The following TRAP1 variants were observed in gnomAD, a reference collection of about 807,000 sequenced individuals.
TRAP1 encodes TNF receptor associated protein 1, also known as heat shock protein 75 kDa, mitochondrial.
Under a neutral mutation model 89.1 loss-of-function variants are expected in TRAP1, and 102 were observed. The observed-to-expected ratio is 1.15, with a 90% CI of 0.98 to 1.35. TRAP1 has a LOEUF of 1.35. Ranked by LOEUF, TRAP1 falls within the 40% of genes most tolerant of loss-of-function variation. TRAP1 has a pLI of 0.00. For missense variants in TRAP1, 1,256 were observed against 945.3 expected (o/e 1.33, Z -4.31); for synonymous variants, 508 against 388.0 (o/e 1.31, Z -3.64).
chr16:3,699,319 A>T (rs1331691074), intron 1 of TRAP1, among the ~76,000 whole-genome samples: 1 of 152,130 alleles, frequency 6.6e-6, no homozygotes, highest in Admixed American at 6.6e-5. Context: ...CACTGCACTT[A>T]ACTTTTTATG....
At chr16:3,690,803 G>C in intron 2 of TRAP1, 24 bp downstream of exon 2, 1 of 1,365,982 alleles carries the variant, frequency 7.3e-7, no homozygotes, top group Non-Finnish European at 9.6e-7. Context: ...AGCCCTCCCA[G>C]ACCAAAGCAC....
chr16:3,696,752 G>C (rs1204441021), intron 1 of TRAP1, among the ~76,000 whole-genome samples: 1 of 150,162 alleles, frequency 6.7e-6, no homozygotes, highest in Non-Finnish European at 1.5e-5. Context: ...TTTTTGACTG[G>C]GTCTCACTCT....
intron 11 of TRAP1, 80 bp downstream of exon 11, chr16:3,671,642 G>A (rs2050914082): frequency 7.3e-6 from 11 of 1,497,334 alleles, no homozygotes; most frequent in East Asian, 2.3e-5. Flanking sequence ...CATGGGCCAC[G>A]GCTAGGGCCC....
Position 3,698,301 on chromosome 16 carries a change from T to C in TRAP1, c.89-7316A>G, listed in dbSNP as rs138854771. Among the ~76,000 whole-genome samples, 676 of 151,838 alleles carry C rather than the reference T, an allele frequency of 4.5e-3. 5 individuals are homozygous for C. The highest frequency in any genetic ancestry group is 0.016 in the African/African-American group (649 of 41,480). ...AAAGCAGATTTGATTTCAGGTTATG[T>C]AAACTTTCCACAACAACTTTTTTTT... is the stretch of plus-strand genomic sequence containing the variant. On this transcript the variant is annotated intron_variant, in intron 1 of 17. Transcript: ENST00000246957.
intron 1 of TRAP1, among the ~76,000 whole-genome samples, chr16:3,698,145 A>G (rs1404223252): frequency 6.6e-6 from 1 of 151,860 alleles, no homozygotes. Context: ...AATATTCATT[A>G]TGGGAGGAGT....
intron 11 of TRAP1, among the ~76,000 whole-genome samples, chr16:3,666,956 T>C (rs1224146018): frequency 6.6e-6 from 1 of 152,184 alleles, no homozygotes; most frequent in African/African-American, 2.4e-5. Flanking sequence ...ATTTCAATAA[T>C]CCAGAGCATG....
Position 3,662,981 on chromosome 16 carries a change from G to C in TRAP1, c.1709-14C>G. On this transcript the variant is annotated splice_polypyrimidine_tract_variant and intron_variant, in intron 14 of 17. Transcript: ENST00000246957. ...GGCACTCGGCGGCTGCGGAAGAGCAGGCGACAGGGAGCTCAGGCCTGCATC... is the reference window on the plus strand; with the variant it reads ...GGCACTCGGCGGCTGCGGAAGAGCACGCGACAGGGAGCTCAGGCCTGCATC... The C allele has an allele frequency of 6.3e-7, 1 of 1,594,138 alleles. No individual in the cohort carries two copies. Among genetic ancestry groups the C allele is most frequent in the Non-Finnish European group, 8.5e-7 (1 of 1,174,280 alleles).
chr16:3,708,061 C>A (rs1384765852), intron 1 of TRAP1, among the ~76,000 whole-genome samples: 2 of 152,002 alleles, frequency 1.3e-5, no homozygotes, highest in Non-Finnish European at 2.9e-5. Flanking sequence ...GTGGCACATG[C>A]TCCTTGGGAG....
intron 1 of TRAP1, among the ~76,000 whole-genome samples, chr16:3,703,066 A>T (rs1250805880): frequency 2.1e-5 from 3 of 146,336 alleles, no homozygotes; most frequent in African/African-American, 8.0e-5. Context: ...AAAAAAAAAA[A>T]GCATTCAGTA....
chr16:3,704,922 T>C (rs1330815013), intron 1 of TRAP1, among the ~76,000 whole-genome samples: 8 of 151,614 alleles, frequency 5.3e-5, no homozygotes. Flanking sequence ...GAAGTAAAAA[T>C]AAAAGCTAAA....
intron 13 of TRAP1, 27 bp from the exon 14 acceptor site, chr16:3,663,589 C>G: frequency 1.2e-6 from 2 of 1,612,550 alleles, no homozygotes; most frequent in South Asian, 2.2e-5. Context: ...GCAGCTCCAT[C>G]AGACCCCGGG....
rs58859365 is a variant in TRAP1, at chr16:3,709,227, C to CA, written c.88+8193dup. Among the ~76,000 whole-genome samples the CA allele has an allele frequency of 5.2e-3, 424 of 82,036 alleles. 3 individuals are homozygous for CA. The highest frequency in any genetic ancestry group is 0.019 in the East Asian group (59 of 3,164). The allele number at this position is 82,036 out of a possible 152,430, so 53.8% of individuals were successfully genotyped here. Reference sequence around the variant, plus strand: ...GGGCACCAAGTGCAAAACTCCATCTCAAAAAAAAAAAAAAAAAAAAGAAAA... The same window carrying CA: ...GGGCACCAAGTGCAAAACTCCATCTCAAAAAAAAAAAAAAAAAAAAAGAAAA... On this transcript the variant is annotated intron_variant, in intron 1 of 17. Coordinates refer to ENST00000246957, the MANE Select transcript of TRAP1 (RefSeq NM_016292.3).
intron 14 of TRAP1, 85 bp from the exon 15 acceptor site, chr16:3,663,052 C>G: frequency 9.8e-7 from 1 of 1,024,284 alleles, no homozygotes; most frequent in South Asian, 1.5e-5. Context: ...GCTTCCAGCT[C>G]CCACCTCCTC....
intron 11 of TRAP1, among the ~76,000 whole-genome samples, chr16:3,668,047 C>A (rs2050860972): frequency 6.6e-6 from 1 of 151,848 alleles, no homozygotes; most frequent in African/African-American, 2.4e-5. Flanking sequence ...TCTGCCTCAG[C>A]CTCCCGAGTG....
chr16:3,705,277 G>T (rs1210054757), intron 1 of TRAP1, among the ~76,000 whole-genome samples: 1 of 151,936 alleles, frequency 6.6e-6, no homozygotes, highest in African/African-American at 2.4e-5. Flanking sequence ...CACCATGTTA[G>T]CCAGGATGGT....
intron 6 of TRAP1, chr16:3,676,364 C>G: frequency 5.2e-6 from 1 of 192,610 alleles, no homozygotes; most frequent in South Asian, 1.1e-4. Flanking sequence ...CTGGTTCCCT[C>G]GGGCGGGGGG....
At chr16:3,664,077 C>G (rs1177719377) in intron 13 of TRAP1, 197 bp downstream of exon 13, 5 of 586,048 alleles carry the variant, frequency 8.5e-6, no homozygotes, top group Middle Eastern at 9.1e-4. Context: ...AAACAAAAAA[C>G]AAACAAAAAA....
intron 10 of TRAP1, among the ~76,000 whole-genome samples, 156 bp from the exon 11 acceptor site, chr16:3,671,947 C>T (rs1008314252): frequency 2.6e-5 from 4 of 152,268 alleles, no homozygotes; most frequent in Non-Finnish European, 4.4e-5. Flanking sequence ...GCTTCCTCTA[C>T]GTCCTGCCAC....
At chr16:3,704,677 A>AC (rs544276440) in intron 1 of TRAP1, among the ~76,000 whole-genome samples, 581 of 151,568 alleles carry the variant, frequency 3.8e-3, no homozygotes, top group African/African-American at 5.8e-3. Flanking sequence ...ACATAGGGAG[A>AC]CCCCCCCAAC....
Sources: allele counts gnomAD v4.1 joint callset (sites outside exome capture counted in the v4.1 genomes callset), GRCh38; gene constraint gnomAD v4.1.1; transcripts MANE v1.5; gene names NCBI Gene and HGNC (gene_info 2026-07-23, HGNC 2026-07-21).